Variants in NFASC observed in about 807,000 individuals in gnomAD.
The protein encoded by NFASC is neurofascin.
In NFASC, 43 loss-of-function variants were observed where a neutral mutation model predicts 147.5. The ratio of observed to expected loss-of-function variants is 0.29; its 90% CI spans 0.23 to 0.38. The LOEUF (loss-of-function observed/expected upper bound fraction) is 0.38, where lower values mean the gene tolerates loss of function less well. Among genes scored for constraint, NFASC ranks in the 10% least tolerant of loss-of-function variants. The probability of loss-of-function intolerance (pLI) is 1.00; values close to 1 mark genes in which losing one functional copy is unlikely to be tolerated. For synonymous variants in NFASC, 622 were observed against 665.5 expected (o/e 0.93, Z 1.01); for missense variants, 1,320 against 1,689.0 (o/e 0.78, Z 3.83).
Position 204,968,029 on chromosome 1 carries a change from T to C in NFASC, c.707-220T>C. On this transcript the variant is annotated intron_variant, in intron 8 of 29. Coordinates refer to ENST00000339876, the MANE Select transcript of NFASC (RefSeq NM_001005388.3). The surrounding 1 kb of genome is among the most constrained non-coding windows in gnomAD (Gnocchi z 5.4). ...AAGCTGGGCTCCTCCAGGCAGATCCTTTCAGAACCTAGAGCTCCTCTCTCT... is the reference window on the plus strand; with the variant it reads ...AAGCTGGGCTCCTCCAGGCAGATCCCTTCAGAACCTAGAGCTCCTCTCTCT... The C allele has an allele frequency of 2.0e-6, 1 of 500,324 alleles. No homozygotes were observed. The highest frequency in any genetic ancestry group is 3.6e-6 in the Non-Finnish European group (1 of 276,500). The allele number at this position is 500,324 out of a possible 1,614,324, so 31.0% of individuals were successfully genotyped here.
chr1:204,846,218 G>A lies in NFASC; in HGVS notation c.-200+17436G>A, dbSNP rs142834752. Among the ~76,000 whole-genome samples, 1,087 of 151,908 alleles carry A rather than the reference G, an allele frequency of 7.2e-3. 9 individuals carry two copies. Among genetic ancestry groups the A allele is most frequent in the African/African-American group, 0.025 (1,037 of 41,374 alleles). Reference sequence around the variant, plus strand: ...GTCTATACAAAAAAAAAAAAAGAGGGCCAGGGAGGGTAAGGAGACTGACAC... The same window carrying A: ...GTCTATACAAAAAAAAAAAAAGAGGACCAGGGAGGGTAAGGAGACTGACAC... On this transcript the variant is annotated intron_variant, in intron 1 of 29. Transcript: ENST00000339876.
rs563675086 is a variant in NFASC, at chr1:204,833,418, C to T, written c.-200+4636C>T. ...TATTTGTTTGACTTCAAAGCCTGTG[C>T]TCCTCTCCCATATGTCGTACTGAGC... On this transcript the variant is annotated intron_variant, in intron 1 of 29. Transcript: ENST00000339876. 2.3e-3 allele frequency among the ~76,000 whole-genome samples: 345 copies of T among 152,222 alleles called. 2 individuals are homozygous for T. The highest frequency in any genetic ancestry group is 7.9e-3 in the African/African-American group (329 of 41,536).
rs1200780001 is a variant in NFASC at position 204,974,392 on chromosome 1, T to G, written c.1391+102T>G. On this transcript the variant is annotated intron_variant, in intron 13 of 29. Transcript: ENST00000339876. ...GGTGTTCAGCAAGACCTGGGAATCT[T>G]AAAGGGTCAAAGCTGGGAGGAAGTT... 9 of 937,156 alleles carry G rather than the reference T, an allele frequency of 9.6e-6. 1 individual carries two copies. In the Admixed American group the frequency reaches 1.8e-4, roughly 19 times the overall value. The allele number at this position is 937,156 out of a possible 1,614,324, so 58.1% of individuals were successfully genotyped here. A position where few individuals can be genotyped will look rare whatever the true frequency, so the allele number is the denominator to read the frequency against.
At chr1:204,854,215 A>G (rs2102725884) in intron 1 of NFASC, among the ~76,000 whole-genome samples, 1 of 152,008 alleles carries the variant, frequency 6.6e-6, no homozygotes, top group East Asian at 1.9e-4. Flanking sequence ...GGGATGCACG[A>G]GTTGGGGGCT....
chr1:204,975,320 C>T lies in NFASC; in HGVS notation c.1608C>T (p.Gly536=). 1 of 1,614,056 alleles carries T rather than the reference C, an allele frequency of 6.2e-7. No homozygotes were observed. The highest frequency in any genetic ancestry group is 8.5e-7 in the Non-Finnish European group (1 of 1,179,934). ...RMPEDQVARR[G]TTVQLECRVK... ...CCGAGGACCAGGTGGCCAGAAGGGG[C>T]ACCACGGTGCAGCTGGAGTGTCGGG... is the stretch of plus-strand genomic sequence containing the variant. Residue 536 remains glycine (G), a synonymous_variant, in exon 15 of 30, where the codon GGC becomes GGT. Transcript: ENST00000339876. This position sits in a 1 kb window ranked among gnomAD's most constrained non-coding sequence, Gnocchi z 4.0.
intron 1 of NFASC, among the ~76,000 whole-genome samples, chr1:204,860,705 A>G (rs1572133204): frequency 6.6e-6 from 1 of 152,250 alleles, no homozygotes; most frequent in East Asian, 1.9e-4. Flanking sequence ...TTATTACCCC[A>G]AAAGGAAACC....
chr1:204,863,576 G>T (rs536745748), intron 1 of NFASC, among the ~76,000 whole-genome samples: 1 of 152,100 alleles, frequency 6.6e-6, no homozygotes, highest in Non-Finnish European at 1.5e-5. Flanking sequence ...CCAGCCAGGC[G>T]CAGTGGCTCA....
intron 21 of NFASC, among the ~76,000 whole-genome samples, chr1:204,983,674 A>G (rs954682814): frequency 2.9e-4 from 44 of 152,158 alleles, no homozygotes; most frequent in Admixed American, 2.9e-3. Context: ...GCCTGAGAAC[A>G]AGGGAACCCC....
intron 2 of NFASC, among the ~76,000 whole-genome samples, chr1:204,935,527 G>A (rs2092744319): frequency 6.6e-6 from 1 of 152,184 alleles, no homozygotes; most frequent in South Asian, 2.1e-4. Context: ...GTAGAAAGTG[G>A]CAGCAAGAAA....
At chr1:204,846,951 G>A (rs2075212391) in intron 1 of NFASC, among the ~76,000 whole-genome samples, 2 of 144,948 alleles carry the variant, frequency 1.4e-5, no homozygotes, top group Non-Finnish European at 1.5e-5. Flanking sequence ...GTGTGTGTAC[G>A]CGTGTGTGTG....
chr1:204,876,202 G>A (rs546283801), intron 1 of NFASC, among the ~76,000 whole-genome samples: 35 of 152,110 alleles, frequency 2.3e-4, no homozygotes, highest in Admixed American at 3.3e-4. Context: ...GTACAGATGC[G>A]TTTTGACAAA....
At chr1:204,901,833 T>C (rs905613471) in intron 1 of NFASC, among the ~76,000 whole-genome samples, 3 of 152,078 alleles carry the variant, frequency 2.0e-5, no homozygotes, top group African/African-American at 2.4e-5. Flanking sequence ...CCCAGAGCAC[T>C]GTCCCTGGAG....
intron 1 of NFASC, among the ~76,000 whole-genome samples, chr1:204,909,893 T>A (rs116992920): frequency 6.6e-6 from 1 of 152,112 alleles, no homozygotes; most frequent in African/African-American, 2.4e-5. Flanking sequence ...GTTAAGTATA[T>A]GTGTGTTTCT....
Position 204,968,346 on chromosome 1 carries a change from C to T in NFASC, c.804C>T (p.Cys268=), listed in dbSNP as rs773418167. 1 of 1,613,252 alleles carries T rather than the reference C, an allele frequency of 6.2e-7. No individual in the cohort carries two copies. The highest frequency in any genetic ancestry group is 1.1e-5 in the South Asian group (1 of 91,066). Residue 268 remains cysteine, a synonymous_variant, in exon 9 of 30, where the codon TGC becomes TGT. Transcript: ENST00000339876. The surrounding 1 kb of genome is among the most constrained non-coding windows in gnomAD (Gnocchi z 5.4). ...GTGGCATGGACCTCCTGCTGGAATG[C>T]ATCGCCTCCGGGGTGTATGTGCGGT... ...VLRGMDLLLE[C]IASGVPTPDI... is the part of the protein sequence containing the mutation.
chr1:204,956,239 T>G (rs2094425818), intron 7 of NFASC, among the ~76,000 whole-genome samples: 1 of 152,184 alleles, frequency 6.6e-6, no homozygotes, highest in African/African-American at 2.4e-5. Flanking sequence ...GATACTTAAT[T>G]GATAGTTTCA....
At chr1:204,876,074 G>T (rs1363217882) in intron 1 of NFASC, among the ~76,000 whole-genome samples, 1 of 152,128 alleles carries the variant, frequency 6.6e-6, no homozygotes, top group African/African-American at 2.4e-5. Flanking sequence ...GAGGCATGGG[G>T]CGCTCTTGCT....
At chr1:204,929,218 T>A (rs910547949) in intron 2 of NFASC, among the ~76,000 whole-genome samples, 5 of 151,938 alleles carry the variant, frequency 3.3e-5, no homozygotes, top group African/African-American at 1.2e-4. Flanking sequence ...CTAGGCCTGC[T>A]GAGTGCTATC....
chr1:204,997,238 A>G lies in NFASC; in HGVS notation c.2851A>G (p.Ile951Val). The G allele has an allele frequency of 1.2e-6, 2 of 1,613,336 alleles. No homozygotes were observed. The highest frequency in any genetic ancestry group is 1.7e-6 in the Non-Finnish European group (2 of 1,179,770). ...TGTGAGCAGTACCGATGCTACTGCC[A>G]TTGCTGCCACCACCGAAGCCACAAC... ...GAVSSTDATA[I>V]AATTEATTVP... Residue 951 changes from isoleucine (I) to valine (V), a missense_variant, in exon 25 of 30, where the codon ATT (isoleucine) becomes GTT (valine). Transcript: ENST00000339876.
At chr1:204,946,133 G>A (rs1340676977) in intron 3 of NFASC, among the ~76,000 whole-genome samples, 1 of 152,182 alleles carries the variant, frequency 6.6e-6, no homozygotes, top group East Asian at 1.9e-4. Flanking sequence ...CCCCATTCCA[G>A]TGTCCCTGGG....
Sources: allele counts gnomAD v4.1 joint callset (sites outside exome capture counted in the v4.1 genomes callset), GRCh38; gene constraint gnomAD v4.1.1; non-coding constraint Gnocchi (gnomAD v3.1); transcripts MANE v1.5; gene names NCBI Gene and HGNC (gene_info 2026-07-23, HGNC 2026-07-21).